Variants in BMPR1A observed in about 807,000 individuals in gnomAD.
The protein encoded by BMPR1A is bone morphogenetic protein receptor type 1A.
BMPR1A carries 7 observed loss-of-function variants against 66.0 expected under a neutral mutation model. The observed-to-expected ratio is 0.11, with a 90% CI of 0.06 to 0.20. The LOEUF (loss-of-function observed/expected upper bound fraction) is 0.20, where lower values mean the gene tolerates loss of function less well. Among genes scored for constraint, BMPR1A ranks in the 10% least tolerant of loss-of-function variants. BMPR1A has a pLI of 1.00. For synonymous variants in BMPR1A, 200 were observed against 229.7 expected (o/e 0.87, Z 1.17); for missense variants, 408 against 669.1 (o/e 0.61, Z 4.31).
At position 86,912,160 on chromosome 10, in the gene BMPR1A, G is replaced by C; in HGVS notation, c.531-80G>C. 2.8e-6 allele frequency: 4 copies of C among 1,453,134 alleles called. No homozygotes were observed. The South Asian group carries it at 3.6e-5, about 13-fold the overall frequency. 90.0% of individuals were successfully genotyped at this position (1,453,134 alleles called of 1,614,324 possible). Reference sequence around the variant, plus strand: ...GATTCTTTCTGAGGGAAGGATAATGGTATAGAGAACCTCAAGGTTTTTCTT... The same window carrying C: ...GATTCTTTCTGAGGGAAGGATAATGCTATAGAGAACCTCAAGGTTTTTCTT... On this transcript the variant is annotated intron_variant, in intron 7 of 12. Transcript: ENST00000372037.
intron 5 of BMPR1A, among the ~76,000 whole-genome samples, chr10:86,897,956 T>C (rs962166571): frequency 6.6e-6 from 1 of 152,220 alleles, no homozygotes; most frequent in Non-Finnish European, 1.5e-5. Context: ...AGAGATAAAT[T>C]ACTTGCTCAA....
intron 1 of BMPR1A, among the ~76,000 whole-genome samples, chr10:86,780,119 GTGTC>G (rs1301022844): frequency 1.3e-5 from 2 of 152,058 alleles, no homozygotes; most frequent in Non-Finnish European, 2.9e-5. Context: ...TTTGAGAAAT[GTGTC>G]TGTTCAGATC....
Position 86,923,720 on chromosome 10 carries a change from T to C in BMPR1A, c.*1T>C, listed in dbSNP as rs1843704052. The C allele has an allele frequency of 3.1e-6, 5 of 1,613,352 alleles. No homozygotes were observed. Among genetic ancestry groups the C allele is most frequent in the Non-Finnish European group, 3.4e-6 (4 of 1,180,022 alleles). On this transcript the variant is annotated 3_prime_UTR_variant, in exon 13 of 13. Coordinates refer to ENST00000372037, the MANE Select transcript of BMPR1A (RefSeq NM_004329.3). ...TGAATCCCAAGATGTAAAAATCTGA[T>C]GGTTAAACCATCGGAGGAGAAACTC...
chr10:86,829,632 A>T (rs534318025), intron 1 of BMPR1A, among the ~76,000 whole-genome samples: 3 of 152,334 alleles, frequency 2.0e-5, no homozygotes, highest in African/African-American at 7.2e-5. Flanking sequence ...CATCTCTATG[A>T]TGTTGACATT....
intron 1 of BMPR1A, among the ~76,000 whole-genome samples, chr10:86,824,393 T>G (rs921055677): frequency 3.9e-5 from 6 of 152,102 alleles, no homozygotes; most frequent in Non-Finnish European, 8.8e-5. Flanking sequence ...GGCATGTGAC[T>G]CACGGATTTA....
At chr10:86,771,027 G>T (rs1363152718) in intron 1 of BMPR1A, among the ~76,000 whole-genome samples, 2 of 152,108 alleles carry the variant, frequency 1.3e-5, no homozygotes, top group Non-Finnish European at 2.9e-5. Flanking sequence ...ATGACCATTT[G>T]ATCTTCTCAG....
chr10:86,895,918 C>A (rs139013511), intron 5 of BMPR1A, among the ~76,000 whole-genome samples: 64 of 152,184 alleles, frequency 4.2e-4, no homozygotes, highest in African/African-American at 1.3e-3. Flanking sequence ...CTTTGGGAGG[C>A]CAAGGCAGGT....
chr10:86,803,458 C>G (rs1206024685), intron 1 of BMPR1A, among the ~76,000 whole-genome samples: 1 of 152,012 alleles, frequency 6.6e-6, no homozygotes, highest in Non-Finnish European at 1.5e-5. Flanking sequence ...ATTTTTTTCC[C>G]CATTACAGTA....
chr10:86,893,564 T>A (rs6586041), intron 5 of BMPR1A, among the ~76,000 whole-genome samples: 7 of 151,822 alleles, frequency 4.6e-5, no homozygotes, highest in African/African-American at 1.7e-4. Context: ...CCGAGGCGGG[T>A]GGATCACGAG....
intron 2 of BMPR1A, among the ~76,000 whole-genome samples, chr10:86,858,917 A>C (rs1349752083): frequency 1.3e-5 from 2 of 152,196 alleles, no homozygotes; most frequent in African/African-American, 4.8e-5. Context: ...AGAAATAGAA[A>C]AAAAATCCTA....
At chr10:86,846,999 A>G (rs182990586) in intron 2 of BMPR1A, among the ~76,000 whole-genome samples, 2 of 151,896 alleles carry the variant, frequency 1.3e-5, no homozygotes, top group Admixed American at 6.6e-5. Flanking sequence ...TTAGAGGTGG[A>G]GTCTCGCTCT....
intron 1 of BMPR1A, among the ~76,000 whole-genome samples, chr10:86,834,340 A>G (rs1284897288): frequency 6.6e-6 from 1 of 152,200 alleles, no homozygotes; most frequent in Non-Finnish European, 1.5e-5. Context: ...GTTTTGTATC[A>G]TTGAGTTGTT....
rs953797046 is a variant in BMPR1A at position 86,892,137 on chromosome 10, C to T, written c.241C>T (p.His81Tyr). The change falls in exon 5 of 13, where the codon CAT (histidine) becomes TAT (tyrosine). Residue 81 changes from histidine (H) to tyrosine (Y), a missense_variant. This residue lies in a region of BMPR1A where 13 missense variants were observed against 46.5 expected (regional missense o/e 0.28). Coordinates refer to ENST00000372037, the MANE Select transcript of BMPR1A (RefSeq NM_004329.3). ...AINNTCITNGHCFAIIEEDDQ... is the reference protein window; with the variant it reads ...AINNTCITNGYCFAIIEEDDQ... Reference sequence around the variant, plus strand: ...TTTTTTCTGTTTTAGAACTAATGGACATTGCTTTGCCATCATAGAAGAAGA... The same window carrying T: ...TTTTTTCTGTTTTAGAACTAATGGATATTGCTTTGCCATCATAGAAGAAGA... The T allele has an allele frequency of 6.2e-7, 1 of 1,612,448 alleles. No individual in the cohort carries two copies. The highest frequency in any genetic ancestry group is 8.5e-7 in the Non-Finnish European group (1 of 1,178,558).
At chr10:86,883,259 C>CA (rs1447860941) in intron 3 of BMPR1A, among the ~76,000 whole-genome samples, 1 of 152,058 alleles carries the variant, frequency 6.6e-6, no homozygotes, top group East Asian at 1.9e-4. Context: ...GAGGCTGAGG[C>CA]AGGCAGATCA....
intron 1 of BMPR1A, among the ~76,000 whole-genome samples, chr10:86,757,908 T>A (rs1317869978): frequency 2.0e-5 from 3 of 152,216 alleles, no homozygotes; most frequent in Non-Finnish European, 4.4e-5. Context: ...CAAACACTTT[T>A]ACGTTTAGGA....
At chr10:86,923,236 TAA>T in intron 11 of BMPR1A, 138 bp from the exon 12 acceptor site, 1 of 939,054 alleles carries the variant, frequency 1.1e-6, no homozygotes, top group Non-Finnish European at 1.5e-6. Flanking sequence ...CATCTACTAT[TAA>T]GAGTGAATCA....
chr10:86,906,269 C>T (rs529304124), intron 7 of BMPR1A, among the ~76,000 whole-genome samples: 2 of 152,120 alleles, frequency 1.3e-5, no homozygotes, highest in East Asian at 1.9e-4. Context: ...TTAATGTTTT[C>T]CCTTTATCTT....
At position 86,924,535 on chromosome 10, in the gene BMPR1A, T is replaced by G. The variant is rs1291153659; in HGVS notation, c.*816T>G. 8.6e-6 allele frequency: 2 copies of G among 233,564 alleles called. No homozygotes were observed. Among genetic ancestry groups the G allele is most frequent in the Non-Finnish European group, 1.7e-5 (2 of 118,086 alleles). 14.5% of individuals were successfully genotyped at this position (233,564 alleles called of 1,614,324 possible). ...CACCATTTTTTTTGTGGTTATTATTTTTGTCACGGAAAGCATCCTCTCCAA... is the reference window on the plus strand; with the variant it reads ...CACCATTTTTTTTGTGGTTATTATTGTTGTCACGGAAAGCATCCTCTCCAA... On this transcript the variant is annotated 3_prime_UTR_variant, in exon 13 of 13. Transcript: ENST00000372037.
rs1843707532 is a variant in BMPR1A, at chr10:86,924,060, T to G, written c.*341T>G. ...AATTGCCTGTTCATAAAACGGTGCTTTCTGTGAAAGCCTTAAGAAGATAAA... is the reference window on the plus strand; with the variant it reads ...AATTGCCTGTTCATAAAACGGTGCTGTCTGTGAAAGCCTTAAGAAGATAAA... On this transcript the variant is annotated 3_prime_UTR_variant, in exon 13 of 13. Transcript: ENST00000372037. 2.4e-6 allele frequency: 1 copy of G among 415,038 alleles called. No individual in the cohort carries two copies. Among genetic ancestry groups the G allele is most frequent in the Admixed American group, 4.0e-5 (1 of 24,938 alleles). 25.7% of individuals were successfully genotyped at this position (415,038 alleles called of 1,614,324 possible). A position where few individuals can be genotyped will look rare whatever the true frequency, so the allele number is the denominator to read the frequency against.
Sources: allele counts gnomAD v4.1 joint callset (sites outside exome capture counted in the v4.1 genomes callset), GRCh38; gene constraint gnomAD v4.1.1; regional missense constraint gnomAD v4.1.1; transcripts MANE v1.5; gene names NCBI Gene and HGNC (gene_info 2026-07-23, HGNC 2026-07-21).